The following DUSP5 variants were observed in gnomAD, a reference collection of about 807,000 sequenced individuals.
DUSP5 encodes dual specificity phosphatase 5.
A neutral mutation model predicts 33.6 loss-of-function variants in DUSP5; 22 were observed. The ratio of observed to expected loss-of-function variants is 0.66; its 90% CI spans 0.47 to 0.94. DUSP5 has a LOEUF of 0.94. Among genes scored for constraint, DUSP5 ranks in the 40% least tolerant of loss-of-function variants. The pLI, the probability that DUSP5 is intolerant of heterozygous loss-of-function variation, is 0.00. For synonymous variants in DUSP5, 270 were observed against 231.1 expected (o/e 1.17, Z -1.53); for missense variants, 551 against 522.1 (o/e 1.06, Z -0.54).
Position 110,498,183 on chromosome 10 carries a change from C to T in DUSP5, c.62C>T (p.Ala21Val). 2 of 1,496,756 alleles carry T rather than the reference C, an allele frequency of 1.3e-6. No individual in the cohort carries two copies. The highest frequency in any genetic ancestry group is 1.5e-5 in the African/African-American group (1 of 68,734). The allele number at this position is 1,496,756 out of a possible 1,614,324, so 92.7% of individuals were successfully genotyped here. ...LRKMLRKEAA[A>V]RCVVLDCRPY... Reference sequence around the variant, plus strand: ...AAGATGCTCCGCAAGGAGGCGGCGGCGCGCTGCGTGGTGCTCGACTGCCGG... The same window carrying T: ...AAGATGCTCCGCAAGGAGGCGGCGGTGCGCTGCGTGGTGCTCGACTGCCGG... Residue 21 changes from alanine (A) to valine (V), a missense_variant, in exon 1 of 4, where the codon GCG (alanine) becomes GTG (valine). By Grantham distance (64) the Ala-to-Val change is moderately conservative. Transcript: ENST00000369583.
At chr10:110,506,597 C>G (rs898646467) in intron 2 of DUSP5, among the ~76,000 whole-genome samples, 1 of 152,176 alleles carries the variant, frequency 6.6e-6, no homozygotes, top group Non-Finnish European at 1.5e-5. Context: ...TCAACACAGG[C>G]CTGTCAATTT....
At position 110,498,489 on chromosome 10, in the gene DUSP5, A is replaced by G. The variant is rs779982646; in HGVS notation, c.368A>G (p.Tyr123Cys). 7 of 1,536,112 alleles carry G rather than the reference A, an allele frequency of 4.6e-6. No individual in the cohort carries two copies. The highest frequency in any genetic ancestry group is 1.9e-5 in the Admixed American group (1 of 52,748). Residue 123 changes from tyrosine to cysteine, a missense_variant, in exon 1 of 4, where the codon TAC (tyrosine) becomes TGC (cysteine). Tyr to Cys is a radical substitution (Grantham distance 194). Around this residue, in one of 3 missense-constraint regions of DUSP5, gnomAD observed 381 missense variants for 310.4 expected, o/e 1.23. Transcript: ENST00000369583. ...TGCCTACCCGCCGGCCCGCGGGTCTACTTCCTCAAAGGTGAGCGCTCGGGG... is the reference window on the plus strand; with the variant it reads ...TGCCTACCCGCCGGCCCGCGGGTCTGCTTCCTCAAAGGTGAGCGCTCGGGG... ...LACLPAGPRV[Y>C]FLKGGYETFY... is the part of the protein sequence containing the mutation.
In DUSP5 at chr10:110,498,179, G is replaced by C. The variant is rs776578809; in HGVS notation, c.58G>C (p.Ala20Pro). ...QLRKMLRKEA[A>P]ARCVVLDCRP... Reference sequence around the variant, plus strand: ...GCGCAAGATGCTCCGCAAGGAGGCGGCGGCGCGCTGCGTGGTGCTCGACTG... The same window carrying C: ...GCGCAAGATGCTCCGCAAGGAGGCGCCGGCGCGCTGCGTGGTGCTCGACTG... Residue 20 changes from alanine (A) to proline (P), a missense_variant, in exon 1 of 4, where the codon GCG (alanine) becomes CCG (proline). Transcript: ENST00000369583. The C allele has an allele frequency of 6.0e-6, 9 of 1,495,584 alleles. No homozygotes were observed. The African/African-American group carries it at 1.3e-4, about 22-fold the overall frequency. 92.6% of individuals were successfully genotyped at this position (1,495,584 alleles called of 1,614,324 possible). A position where few individuals can be genotyped will look rare whatever the true frequency, so the allele number is the denominator to read the frequency against.
chr10:110,502,442 A>G (rs886984944), intron 1 of DUSP5, among the ~76,000 whole-genome samples: 2 of 152,224 alleles, frequency 1.3e-5, no homozygotes, highest in African/African-American at 4.8e-5. Context: ...GCCAGATGCT[A>G]GACACTTTCT....
At position 110,500,288 on chromosome 10, in the gene DUSP5, G is replaced by A. The variant is rs565509508; in HGVS notation, c.379+1788G>A. The stretch of plus-strand genomic sequence containing the variant: ...TCTCCTGTAATGACCATTAGGTTGC[G>A]TCCCGCCTCACTGCTCCAAGCAATG... On this transcript the variant is annotated intron_variant, in intron 1 of 3. Coordinates refer to ENST00000369583, the MANE Select transcript of DUSP5 (RefSeq NM_004419.4). 2.0e-5 allele frequency among the ~76,000 whole-genome samples: 3 copies of A among 152,224 alleles called. No individual in the cohort carries two copies. In the South Asian group the frequency reaches 6.2e-4, roughly 32 times the overall value.
rs909656844 is a variant in DUSP5, at chr10:110,498,039, CGGACACCCTGGCCGT to C, written c.-65_-51del. On this transcript the variant is annotated 5_prime_UTR_variant, in exon 1 of 4. Coordinates refer to ENST00000369583, the MANE Select transcript of DUSP5 (RefSeq NM_004419.4). ...GGGTCGCCCTCCCGTGCCTCGCCCG[CGGACACCCTGGCCGT>C]GGACACCCTGGCCGTGGGCACCCGC... The C allele has an allele frequency of 2.6e-4, 268 of 1,042,570 alleles. No homozygotes were observed. Among genetic ancestry groups the C allele is most frequent in the African/African-American group, 9.6e-4 (56 of 58,250 alleles). The allele number at this position is 1,042,570 out of a possible 1,614,324, so 64.6% of individuals were successfully genotyped here.
chr10:110,510,017 C>G lies in DUSP5; in HGVS notation c.749-3C>G. 2 of 1,586,210 alleles carry G rather than the reference C, an allele frequency of 1.3e-6. No homozygotes were observed. The highest frequency in any genetic ancestry group is 1.7e-6 in the Non-Finnish European group (2 of 1,162,406). On this transcript the variant is annotated splice_region_variant and splice_polypyrimidine_tract_variant and intron_variant, in intron 3 of 3. Transcript: ENST00000369583. ...CACTCCCACCATCTTTTCTTCCTTC[C>G]AGACTGTGTCAGGGAAAAGGGAGGC...
At position 110,498,151 on chromosome 10, in the gene DUSP5, G is replaced by C; in HGVS notation, c.30G>C (p.Gln10His). ...AGGTCACGTCGCTCGACGGGCGCCA[G>C]CTGCGCAAGATGCTCCGCAAGGAGG... MKVTSLDGR[Q>H]LRKMLRKEAA... is the part of the protein sequence containing the mutation. The change falls in exon 1 of 4, where the codon CAG becomes CAC. Residue 10 changes from glutamine (Q) to histidine (H), a missense_variant. Gln to His is a conservative substitution (Grantham distance 24). Around this residue, in one of 3 missense-constraint regions of DUSP5, gnomAD observed 381 missense variants for 310.4 expected, o/e 1.23. Transcript: ENST00000369583. 6.8e-7 allele frequency: 1 copy of C among 1,462,740 alleles called. No individual in the cohort carries two copies. The highest frequency in any genetic ancestry group is 9.1e-7 in the Non-Finnish European group (1 of 1,103,136). The allele number at this position is 1,462,740 out of a possible 1,614,324, so 90.6% of individuals were successfully genotyped here. A position where few individuals can be genotyped will look rare whatever the true frequency, so the allele number is the denominator to read the frequency against.
Position 110,498,045 on chromosome 10 carries a change from C to A in DUSP5, c.-77C>A. On this transcript the variant is annotated 5_prime_UTR_variant, in exon 1 of 4. Transcript: ENST00000369583. The stretch of plus-strand genomic sequence containing the variant: ...CCCTCCCGTGCCTCGCCCGCGGACA[C>A]CCTGGCCGTGGACACCCTGGCCGTG... The A allele has an allele frequency of 9.3e-7, 1 of 1,070,630 alleles. No homozygotes were observed. 66.3% of individuals were successfully genotyped at this position (1,070,630 alleles called of 1,614,324 possible).
chr10:110,510,309 C>T lies in DUSP5; in HGVS notation c.1038C>T (p.Ser346=). The T allele has an allele frequency of 6.2e-7, 1 of 1,614,196 alleles. No individual in the cohort carries two copies. The highest frequency in any genetic ancestry group is 8.5e-7 in the Non-Finnish European group (1 of 1,180,040). Reference sequence around the variant, plus strand: ...TGATAGGCCATTTGCAGACACTGAGCCCTGACATGCAGGGTGCCTACTGCA... The same window carrying T: ...TGATAGGCCATTTGCAGACACTGAGTCCTGACATGCAGGGTGCCTACTGCA... ...SSLIGHLQTL[S]PDMQGAYCTF... The change falls in exon 4 of 4, where the codon AGC becomes AGT. Residue 346 remains serine, a synonymous_variant. Coordinates refer to ENST00000369583, the MANE Select transcript of DUSP5 (RefSeq NM_004419.4).
chr10:110,508,263 C>T (rs749854938), intron 3 of DUSP5, among the ~76,000 whole-genome samples: 5 of 152,094 alleles, frequency 3.3e-5, no homozygotes, highest in Non-Finnish European at 5.9e-5. Context: ...TGAAAGGCAG[C>T]CAAATGATGG....
rs1860125351 is a variant in DUSP5 at position 110,506,930 on chromosome 10, T to C, written c.529-5T>C. Reference sequence around the variant, plus strand: ...TTCCTGATTGTCCTTTGTCCCTGCATCCAGGGTGGCCCAGTTGAAATCCTT... The same window carrying C: ...TTCCTGATTGTCCTTTGTCCCTGCACCCAGGGTGGCCCAGTTGAAATCCTT... On this transcript the variant is annotated splice_polypyrimidine_tract_variant and splice_region_variant and intron_variant, in intron 2 of 3. Coordinates refer to ENST00000369583, the MANE Select transcript of DUSP5 (RefSeq NM_004419.4). The C allele has an allele frequency of 1.2e-6, 2 of 1,613,840 alleles. No homozygotes were observed. Among genetic ancestry groups the C allele is most frequent in the South Asian group, 2.2e-5 (2 of 91,076 alleles).
chr10:110,500,489 G>T (rs926351835), intron 1 of DUSP5, among the ~76,000 whole-genome samples: 1 of 152,124 alleles, frequency 6.6e-6, no homozygotes, highest in African/African-American at 2.4e-5. Flanking sequence ...ATTTCTTTAC[G>T]TAATTCATGT....
rs771809739 is a variant in DUSP5 at position 110,510,411 on chromosome 10, G to A, written c.1140G>A (p.Thr380=). ...AGCTCAGCAGAAGCCCTGTGGCAAC[G>A]GCCACATCCTGCTAAAACTGGGATG... is the stretch of plus-strand genomic sequence containing the variant. The part of the protein sequence containing the change: ...VSELSRSPVA[T]ATSC Residue 380 remains threonine (T), a synonymous_variant, in exon 4 of 4, where the codon ACG becomes ACA. Coordinates refer to ENST00000369583, the MANE Select transcript of DUSP5 (RefSeq NM_004419.4). The A allele has an allele frequency of 7.3e-5, 116 of 1,591,648 alleles. 1 individual carries two copies. Among genetic ancestry groups the A allele is most frequent in the African/African-American group, 5.0e-4 (37 of 74,374 alleles).
In DUSP5 at chr10:110,511,409, T is replaced by C. The variant is rs1343531991; in HGVS notation, c.*983T>C. 6.6e-6 allele frequency: 1 copy of C among 152,630 alleles called. No homozygotes were observed. The highest frequency in any genetic ancestry group is 2.4e-5 in the African/African-American group (1 of 41,454). The allele number at this position is 152,630 out of a possible 1,614,324, so 9.5% of individuals were successfully genotyped here. A position where few individuals can be genotyped will look rare whatever the true frequency, so the allele number is the denominator to read the frequency against. ...CTACTTTTTTTTTCTTTTTGTCTGT[T>C]AGTTATTTCTCCAGGGGAAAAGGCA... On this transcript the variant is annotated 3_prime_UTR_variant, in exon 4 of 4. Transcript: ENST00000369583.
intron 2 of DUSP5, chr10:110,503,624 C>G (rs567463839): frequency 1.1e-4 from 17 of 152,296 alleles, no homozygotes; most frequent in African/African-American, 2.4e-4. Context: ...CTGGCAGAAG[C>G]CAGAGATCAA....
Position 110,510,861 on chromosome 10 carries a change from A to G in DUSP5, c.*435A>G, listed in dbSNP as rs1860183360. 6.1e-6 allele frequency: 1 copy of G among 162,902 alleles called. No individual in the cohort carries two copies. The highest frequency in any genetic ancestry group is 5.9e-5 in the Admixed American group (1 of 16,846). The allele number at this position is 162,902 out of a possible 1,614,324, so 10.1% of individuals were successfully genotyped here. A position where few individuals can be genotyped will look rare whatever the true frequency, so the allele number is the denominator to read the frequency against. On this transcript the variant is annotated 3_prime_UTR_variant, in exon 4 of 4. Transcript: ENST00000369583. ...TTATTTTTTGAACTTTGGCAGTTTC[A>G]ATGTCTGTCTCTGTTGCTTCGGGGC...
Position 110,498,477 on chromosome 10 carries a change from G to A in DUSP5, c.356G>A (p.Gly119Asp), listed in dbSNP as rs750191676. Residue 119 changes from glycine to aspartate, a missense_variant, in exon 1 of 4, where the codon GGC becomes GAC. Gly to Asp is a moderately conservative substitution (Grantham distance 94). This residue lies in a region of DUSP5 where 381 missense variants were observed against 310.4 expected (regional missense o/e 1.23). Coordinates refer to ENST00000369583, the MANE Select transcript of DUSP5 (RefSeq NM_004419.4). ...TCGCTACTCGCTTGCCTACCCGCCG[G>A]CCCGCGGGTCTACTTCCTCAAAGGT... is the stretch of plus-strand genomic sequence containing the variant. The part of the protein sequence containing the change: ...LTSLLACLPA[G>D]PRVYFLKGGY... 1 of 1,542,932 alleles carries A rather than the reference G, an allele frequency of 6.5e-7. No individual in the cohort carries two copies. Among genetic ancestry groups the A allele is most frequent in the Non-Finnish European group, 8.7e-7 (1 of 1,154,086 alleles).
chr10:110,502,637 G>A (rs1860067945), intron 1 of DUSP5, 84 bp from the exon 2 acceptor site: 1 of 1,492,794 alleles, frequency 6.7e-7, no homozygotes, highest in Non-Finnish European at 9.2e-7. Context: ...GTAACACTCA[G>A]AGTATTGATT....
Sources: allele counts gnomAD v4.1 joint callset (sites outside exome capture counted in the v4.1 genomes callset), GRCh38; gene constraint gnomAD v4.1.1; regional missense constraint gnomAD v4.1.1; transcripts MANE v1.5; gene names NCBI Gene and HGNC (gene_info 2026-07-23, HGNC 2026-07-21).